LEO1: variants seen among roughly 807,000 people sequenced by gnomAD.
LEO1 encodes RNA polymerase-associated protein LEO1.
In LEO1, 34 loss-of-function variants were observed where a neutral mutation model predicts 80.4. That is an observed-to-expected ratio of 0.42 (90% CI 0.32 to 0.56). The LOEUF is 0.56. Ranked by LOEUF, LEO1 falls within the 20% of genes least tolerant of loss-of-function variation. The pLI, the probability that LEO1 is intolerant of heterozygous loss-of-function variation, is 0.10. For missense variants in LEO1, 631 were observed against 814.2 expected (o/e 0.77, Z 2.74); for synonymous variants, 262 against 274.9 (o/e 0.95, Z 0.46).
intron 4 of LEO1, 82 bp downstream of exon 4, chr15:51,960,557 C>T (rs1595942401): frequency 1.3e-6 from 1 of 774,062 alleles, no homozygotes; most frequent in East Asian, 2.5e-5. Context: ...TTATCAACTT[C>T]CTTTCCTGGA....
At position 51,939,587 on chromosome 15, in the gene LEO1, C is replaced by A. The variant is rs147606368; in HGVS notation, c.1897-1327G>T. ...AAGAAGGGACAAGAGCCCCTCCTTT[C>A]TATTCTGCAGGCTAGAGCAAACCCA... On this transcript the variant is annotated intron_variant, in intron 11 of 11. Coordinates refer to ENST00000299601, the MANE Select transcript of LEO1 (RefSeq NM_138792.4). 3.3e-5 allele frequency among the ~76,000 whole-genome samples: 5 copies of A among 152,334 alleles called. No homozygotes were observed. The East Asian group carries it at 7.7e-4, about 23-fold the overall frequency.
chr15:51,964,359 T>C (rs935298141), intron 2 of LEO1, among the ~76,000 whole-genome samples: 3 of 151,838 alleles, frequency 2.0e-5, no homozygotes, highest in African/African-American at 7.3e-5. Flanking sequence ...ATGAAAACAG[T>C]TGGACACAGG....
intron 11 of LEO1, among the ~76,000 whole-genome samples, chr15:51,940,687 T>C (rs1345309252): frequency 2.0e-5 from 3 of 151,166 alleles, no homozygotes; most frequent in African/African-American, 7.3e-5. Context: ...GAGGCCAAAG[T>C]GGGAGGATCA....
chr15:51,965,943 T>G lies in LEO1; in HGVS notation c.620A>C (p.Glu207Ala). ...SDDERQQLSE[E>A]EKANSDDERP... ...TTCATCATCAGAATTAGCCTTTTCCTCCTCAGATAGCTGTTGTCTCTCATC... is the reference window on the plus strand; with the variant it reads ...TTCATCATCAGAATTAGCCTTTTCCGCCTCAGATAGCTGTTGTCTCTCATC... The change falls in exon 2 of 12, where the codon GAG (glutamate) becomes GCG (alanine). Residue 207 changes from glutamate (E) to alanine (A), a missense_variant. Physicochemically the swap from Glu to Ala is moderately radical, Grantham distance 107. Coordinates refer to ENST00000299601, the MANE Select transcript of LEO1 (RefSeq NM_138792.4). The G allele has an allele frequency of 1.2e-6, 2 of 1,614,102 alleles. No homozygotes were observed. Among genetic ancestry groups the G allele is most frequent in the Non-Finnish European group, 1.7e-6 (2 of 1,179,964 alleles).
chr15:51,951,999 G>T lies in LEO1; in HGVS notation c.1476-20C>A. 1 of 1,608,138 alleles carries T rather than the reference G, an allele frequency of 6.2e-7. No homozygotes were observed. The highest frequency in any genetic ancestry group is 8.5e-7 in the Non-Finnish European group (1 of 1,176,206). On this transcript the variant is annotated intron_variant, in intron 8 of 11. Coordinates refer to ENST00000299601, the MANE Select transcript of LEO1 (RefSeq NM_138792.4). ...TGAGGTCTGCCAGGAAATAAACGAAGAGCATATCACTGTTTACCAAATACA... is the reference window on the plus strand; with the variant it reads ...TGAGGTCTGCCAGGAAATAAACGAATAGCATATCACTGTTTACCAAATACA...
intron 1 of LEO1, among the ~76,000 whole-genome samples, chr15:51,970,686 A>G (rs2057115957): frequency 6.6e-6 from 1 of 152,208 alleles, no homozygotes; most frequent in South Asian, 2.1e-4. Flanking sequence ...GAAGGAGCAT[A>G]TGAGGAGTAA....
intron 3 of LEO1, 106 bp from the exon 4 acceptor site, chr15:51,960,839 A>G (rs2057024376): frequency 1.5e-6 from 1 of 675,968 alleles, no homozygotes; most frequent in Admixed American, 2.4e-5. Flanking sequence ...AGCATCAGAA[A>G]ACCACCAAAA....
chr15:51,944,568 C>G (rs995357508), intron 11 of LEO1, among the ~76,000 whole-genome samples: 6 of 152,014 alleles, frequency 3.9e-5, no homozygotes, highest in Non-Finnish European at 5.9e-5. Context: ...AATAATCATG[C>G]TGTCTGGTAC....
intron 7 of LEO1, among the ~76,000 whole-genome samples, chr15:51,954,217 C>G (rs2056970489): frequency 1.3e-5 from 2 of 151,460 alleles, no homozygotes; most frequent in Non-Finnish European, 2.9e-5. Context: ...GCCACCGTGC[C>G]TGGCTCTTTT....
intron 2 of LEO1, among the ~76,000 whole-genome samples, chr15:51,962,979 TTAAAA>T (rs914999910): frequency 1.3e-4 from 20 of 151,002 alleles, no homozygotes; most frequent in Admixed American, 1.1e-3. Flanking sequence ...AACAGAATTC[TTAAAA>T]TAAATACTGG....
chr15:51,947,247 C>T lies in LEO1; in HGVS notation c.1896+45G>A, dbSNP rs376418618. On this transcript the variant is annotated intron_variant, in intron 11 of 11. Coordinates refer to ENST00000299601, the MANE Select transcript of LEO1 (RefSeq NM_138792.4). ...GCTCTTCATTCAAAGCAGTTGGCTC[C>T]TGAGTACAGGATAAACCCCTAGAAT... 116 of 1,316,884 alleles carry T rather than the reference C, an allele frequency of 8.8e-5. No individual in the cohort carries two copies. The African/African-American group carries it at 1.6e-3, about 18-fold the overall frequency. 81.6% of individuals were successfully genotyped at this position (1,316,884 alleles called of 1,614,324 possible). A position where few individuals can be genotyped will look rare whatever the true frequency, so the allele number is the denominator to read the frequency against.
At chr15:51,947,705 G>T (rs1024344275) in intron 10 of LEO1, among the ~76,000 whole-genome samples, 1 of 152,118 alleles carries the variant, frequency 6.6e-6, no homozygotes, top group African/African-American at 2.4e-5. Context: ...GATTATAGGC[G>T]TGAGCCACTG....
chr15:51,945,772 C>A (rs1460112831), intron 11 of LEO1, among the ~76,000 whole-genome samples: 1 of 152,124 alleles, frequency 6.6e-6, no homozygotes, highest in African/African-American at 2.4e-5. Context: ...CACTGGCTCA[C>A]GCCTGTAATC....
At chr15:51,970,295 C>G (rs143815340) in intron 1 of LEO1, among the ~76,000 whole-genome samples, 45 of 152,242 alleles carry the variant, frequency 3.0e-4, no homozygotes, top group Non-Finnish European at 6.2e-4. Context: ...GTACCTGGGA[C>G]TACAGGCACG....
chr15:51,962,056 AG>A (rs1376684125), intron 3 of LEO1, among the ~76,000 whole-genome samples: 1 of 151,710 alleles, frequency 6.6e-6, no homozygotes, highest in Non-Finnish European at 1.5e-5. Context: ...TCCAGCTACC[AG>A]GAGGCTGAGG....
chr15:51,946,560 C>CTTT (rs879299783), intron 11 of LEO1, among the ~76,000 whole-genome samples: 1 of 144,932 alleles, frequency 6.9e-6, no homozygotes. Flanking sequence ...AAATCATTTT[C>CTTT]TTTTTTTTTT....
intron 4 of LEO1, 55 bp downstream of exon 4, chr15:51,960,584 A>C (rs2057022049): frequency 1.2e-5 from 12 of 963,298 alleles, no homozygotes; most frequent in African/African-American, 1.6e-5. Flanking sequence ...GAGACTCTTC[A>C]CCTTTGAAAC....
rs760939029 is a variant in LEO1, at chr15:51,971,643, G to T, written c.58+45C>A. 3 of 1,599,992 alleles carry T rather than the reference G, an allele frequency of 1.9e-6. No individual in the cohort carries two copies. In the East Asian group the frequency reaches 6.7e-5, roughly 36 times the overall value. The stretch of plus-strand genomic sequence containing the variant: ...TCCACGGTTGTCCGGCTCCCACAGC[G>T]GAAGGCCTGCCACGCACCCATCCTC... On this transcript the variant is annotated intron_variant, in intron 1 of 11. Coordinates refer to ENST00000299601, the MANE Select transcript of LEO1 (RefSeq NM_138792.4).
chr15:51,966,085 G>C lies in LEO1; in HGVS notation c.478C>G (p.Gln160Glu). 6.2e-7 allele frequency: 1 copy of C among 1,613,902 alleles called. No homozygotes were observed. Among genetic ancestry groups the C allele is most frequent in the African/African-American group, 1.3e-5 (1 of 75,010 alleles). Residue 160 changes from glutamine (Q) to glutamate (E), a missense_variant, in exon 2 of 12, where the codon CAA becomes GAA. Transcript: ENST00000299601. ...KSDQSDDEKIQNSDDEERAQG... is the reference protein window; with the variant it reads ...KSDQSDDEKIENSDDEERAQG... Reference sequence around the variant, plus strand: ...GCCCTCTCCTCATCATCAGAATTTTGTATCTTTTCATCATCTGACTGGTCA... The same window carrying C: ...GCCCTCTCCTCATCATCAGAATTTTCTATCTTTTCATCATCTGACTGGTCA...
Sources: gnomAD v4.1 joint callset for allele counts (sites outside exome capture counted in the v4.1 genomes callset) on GRCh38, gnomAD v4.1.1 for gene constraint, MANE v1.5 for transcripts, NCBI Gene and HGNC (gene_info 2026-07-23, HGNC 2026-07-21) for gene names.